GATAD2A: variants seen among roughly 807,000 people sequenced by gnomAD.
The protein encoded by GATAD2A is transcriptional repressor p66-alpha.
A neutral mutation model predicts 68.5 loss-of-function variants in GATAD2A; 12 were observed. The observed-to-expected ratio is 0.18, with a 90% CI of 0.11 to 0.28. GATAD2A has a LOEUF of 0.28. Ranked by LOEUF, GATAD2A falls within the 10% of genes least tolerant of loss-of-function variation. GATAD2A has a pLI of 1.00. For synonymous variants in GATAD2A, 410 were observed against 375.3 expected, an observed-to-expected ratio of 1.09 and a Z score of -1.07; for missense variants, 755 against 868.5, an observed-to-expected ratio of 0.87 and a Z score of 1.64.
chr19:19,388,123 C>T (rs2048584239), intron 1 of GATAD2A, among the ~76,000 whole-genome samples: 1 of 149,266 alleles, frequency 6.7e-6, no homozygotes, highest in African/African-American at 2.5e-5. Context: ...ATGGTGTGAT[C>T]TCTGGCTCAC....
intron 8 of GATAD2A, among the ~76,000 whole-genome samples, chr19:19,500,475 A>G (rs141521221): frequency 2.1e-3 from 325 of 152,152 alleles, no homozygotes; most frequent in African/African-American, 7.0e-3. Context: ...CGGCACAAAT[A>G]CGCCCAGACC....
rs116061660 is a variant in GATAD2A at position 19,501,995 on chromosome 19, G to A, written c.1530G>A (p.Ala510=). 2.6e-4 allele frequency: 425 copies of A among 1,613,966 alleles called. 2 individuals are homozygous for A. The East Asian group carries it at 8.4e-3, about 32-fold the overall frequency. ...KQVIKPRRKL[A]FRSGEARDWS... The stretch of plus-strand genomic sequence containing the variant: ...TCATAAAACCCCGGCGTAAGTTGGC[G>A]TTCCGCTCAGGAGAGGCCCGCGACT... Residue 510 remains alanine (A), a synonymous_variant, in exon 10 of 12, where the codon GCG becomes GCA. Coordinates refer to ENST00000683918, the MANE Select transcript of GATAD2A (RefSeq NM_001384528.1).
intron 2 of GATAD2A, among the ~76,000 whole-genome samples, chr19:19,466,340 C>G (rs2034165368): frequency 6.6e-6 from 1 of 152,228 alleles, no homozygotes; most frequent in Admixed American, 6.5e-5. Flanking sequence ...TTGGAGCTCT[C>G]CAGAATGTTC....
intron 2 of GATAD2A, among the ~76,000 whole-genome samples, chr19:19,480,343 A>G (rs1283961986): frequency 6.6e-6 from 1 of 152,224 alleles, no homozygotes; most frequent in Non-Finnish European, 1.5e-5. Context: ...AGATTTGTCA[A>G]TGTCACCACC....
At chr19:19,422,755 AGGCTGGAGTGCAGTGACGC>A in intron 1 of GATAD2A, among the ~76,000 whole-genome samples, 1 of 147,756 alleles carries the variant, frequency 6.8e-6, no homozygotes, top group South Asian at 2.1e-4. Flanking sequence ...TCTGTCACCC[AGGCTGGAGTGCAGTGACGC>A]GATCTTGGCT....
intron 2 of GATAD2A, among the ~76,000 whole-genome samples, chr19:19,482,934 T>C (rs920556185): frequency 1.3e-5 from 2 of 152,112 alleles, no homozygotes; most frequent in Non-Finnish European, 2.9e-5. Context: ...TAAGGTCTCC[T>C]AGGCTTGTCT....
At chr19:19,437,278 G>T (rs1054716687) in intron 1 of GATAD2A, among the ~76,000 whole-genome samples, 1 of 152,114 alleles carries the variant, frequency 6.6e-6, no homozygotes, top group Non-Finnish European at 1.5e-5. Context: ...ATACAGGCGT[G>T]TGCAACCACA....
In GATAD2A at chr19:19,496,074, A is replaced by G. The variant is rs1337899673; in HGVS notation, c.779A>G (p.His260Arg). The G allele has an allele frequency of 3.1e-6, 5 of 1,613,852 alleles. No homozygotes were observed. Among genetic ancestry groups the G allele is most frequent in the Non-Finnish European group, 3.4e-6 (4 of 1,179,970 alleles). Reference protein sequence around the residue: ...GAQQIHSIRQHSSTGPPPLLL... With the variant: ...GAQQIHSIRQRSSTGPPPLLL... ...CAGCAAATCCACAGCATTAGGCAAC[A>G]TTCCAGCACAGGGCCACCGCCCCTC... is the stretch of plus-strand genomic sequence containing the variant. Residue 260 changes from histidine to arginine, a missense_variant, in exon 7 of 12, where the codon CAT (histidine) becomes CGT (arginine). Coordinates refer to ENST00000683918, the MANE Select transcript of GATAD2A (RefSeq NM_001384528.1).
intron 1 of GATAD2A, chr19:19,441,664 C>T: frequency 5.6e-6 from 1 of 180,002 alleles, no homozygotes; most frequent in Non-Finnish European, 1.2e-5. Context: ...CAGGTTCATG[C>T]CATTCTCCTG....
At chr19:19,490,015 A>G (rs2059678747) in intron 2 of GATAD2A, among the ~76,000 whole-genome samples, 1 of 152,156 alleles carries the variant, frequency 6.6e-6, no homozygotes, top group African/African-American at 2.4e-5. Context: ...CAGCAAGGAG[A>G]GACATGCTGG....
At chr19:19,471,935 G>A (rs2058342125) in intron 2 of GATAD2A, among the ~76,000 whole-genome samples, 1 of 151,890 alleles carries the variant, frequency 6.6e-6, no homozygotes, top group South Asian at 2.1e-4. Flanking sequence ...TTGCACTGTC[G>A]GCCAGGCAAG....
intron 1 of GATAD2A, among the ~76,000 whole-genome samples, chr19:19,420,117 T>C (rs1180014874): frequency 6.8e-6 from 1 of 147,224 alleles, no homozygotes; most frequent in Non-Finnish European, 1.5e-5. Flanking sequence ...TTCAAGCGAT[T>C]CTCCTGTCTC....
intron 11 of GATAD2A, 150 bp from the exon 12 acceptor site, chr19:19,505,194 C>T: frequency 3.0e-6 from 2 of 668,180 alleles, no homozygotes; most frequent in Non-Finnish European, 5.2e-6. Context: ...GGATTTGAAA[C>T]GTTGATTGAG....
Position 19,494,380 on chromosome 19 carries a change from C to G in GATAD2A, c.621C>G (p.Leu207=), listed in dbSNP as rs2060004984. 1.9e-6 allele frequency: 3 copies of G among 1,597,302 alleles called. No individual in the cohort carries two copies. The highest frequency in any genetic ancestry group is 3.3e-5 in the Admixed American group (2 of 59,966). The change falls in exon 5 of 12, where the codon CTC becomes CTG. Residue 207 remains leucine (L), a synonymous_variant. Transcript: ENST00000683918. ...TQNIPAGKPS[L]QTSSARMPGS... ...ACATTCCTGCTGGCAAGCCATCACT[C>G]CAGGTCAGTGTCCTTTCTGCGTCTC...
At chr19:19,386,763 C>A (rs2048461026) in intron 1 of GATAD2A, among the ~76,000 whole-genome samples, 1 of 152,076 alleles carries the variant, frequency 6.6e-6, no homozygotes, top group Non-Finnish European at 1.5e-5. Context: ...TCTCTGAGGA[C>A]CCCTGCCGGA....
chr19:19,407,982 G>T (rs556224026), intron 1 of GATAD2A, among the ~76,000 whole-genome samples: 59 of 152,222 alleles, frequency 3.9e-4, no homozygotes, highest in Non-Finnish European at 5.4e-4. Flanking sequence ...AGAATGGAAA[G>T]ATTTGGATGC....
At position 19,463,523 on chromosome 19, in the gene GATAD2A, G is replaced by T. The variant is rs546882523; in HGVS notation, c.-6-1817G>T. ...CTGAGCAGGAGCGGGGGCGGGGGTG[G>T]ACAGGGTGGCCGGGGGCAGCGGAGG... On this transcript the variant is annotated intron_variant, in intron 1 of 11. Coordinates refer to ENST00000683918, the MANE Select transcript of GATAD2A (RefSeq NM_001384528.1). Among the ~76,000 whole-genome samples, 18 of 152,142 alleles carry T rather than the reference G, an allele frequency of 1.2e-4. No individual in the cohort carries two copies. The South Asian group carries it at 3.7e-3, about 32-fold the overall frequency.
rs2060945167 is a variant in GATAD2A at position 19,508,121 on chromosome 19, G to GT, written c.*2648dup. 6.6e-6 allele frequency: 1 copy of GT among 152,266 alleles called. No homozygotes were observed. The highest frequency in any genetic ancestry group is 1.5e-5 in the Non-Finnish European group (1 of 68,068). The allele number at this position is 152,266 out of a possible 1,614,324, so 9.4% of individuals were successfully genotyped here. A position where few individuals can be genotyped will look rare whatever the true frequency, so the allele number is the denominator to read the frequency against. On this transcript the variant is annotated 3_prime_UTR_variant, in exon 12 of 12. Transcript: ENST00000683918. ...GTGGGAGCCCCCAGCCCAACTGATT[G>GT]TAACTGTCCCCTGTTACCTGTGACA... is the stretch of plus-strand genomic sequence containing the variant.
At chr19:19,396,754 G>A (rs2049274955) in intron 1 of GATAD2A, among the ~76,000 whole-genome samples, 1 of 152,092 alleles carries the variant, frequency 6.6e-6, no homozygotes, top group South Asian at 2.1e-4. Flanking sequence ...TGTTGCCCAG[G>A]CTGGAGTGCA....
Sources: allele counts gnomAD v4.1 joint callset (sites outside exome capture counted in the v4.1 genomes callset), GRCh38; gene constraint gnomAD v4.1.1; transcripts MANE v1.5; gene names NCBI Gene and HGNC (gene_info 2026-07-23, HGNC 2026-07-21).